CUL4B: variants seen among roughly 807,000 people sequenced by gnomAD.
The protein encoded by CUL4B is cullin 4B, also known as cullin-4B.
In CUL4B, 1 loss-of-function variant was observed where a neutral mutation model predicts 69.2. That is an observed-to-expected ratio of 0.01 (90% CI 0.01 to 0.07). CUL4B has a LOEUF of 0.07. Among genes scored for constraint, CUL4B ranks in the 10% least tolerant of loss-of-function variants. The probability of loss-of-function intolerance (pLI) is 1.00; values close to 1 mark genes in which losing one functional copy is unlikely to be tolerated. For synonymous variants in CUL4B, 237 were observed against 223.2 expected (o/e 1.06, Z -0.55); for missense variants, 328 against 638.8 (o/e 0.51, Z 5.24).
intron 1 of CUL4B, 66 bp from the exon 2 acceptor site, chrX:120,558,105 A>G (rs1015745721): frequency 2.0e-5 from 13 of 637,492 alleles, no homozygotes; most frequent in Non-Finnish European, 3.1e-5. Flanking sequence ...AGATTCATAA[A>G]ATATAATAGC....
At chrX:120,547,391 C>A (rs1281134647) in intron 2 of CUL4B, 152 bp from the exon 3 acceptor site, 5 of 468,132 alleles carry the variant, frequency 1.1e-5, no homozygotes, top group Non-Finnish European at 1.9e-5. Flanking sequence ...CAAAATATAT[C>A]AATGTGGGTG....
intron 9 of CUL4B, among the ~76,000 whole-genome samples, chrX:120,541,956 C>T (rs893002969): frequency 2.7e-5 from 3 of 109,762 alleles, no homozygotes; most frequent in Non-Finnish European, 5.7e-5. Flanking sequence ...AGGCCAGGCA[C>T]GGTGGCTCAC....
downstream of CUL4B, among the ~76,000 whole-genome samples, chrX:120,569,258 T>TATA (rs1454865681): frequency 3.7e-4 from 41 of 111,852 alleles, no homozygotes; most frequent in African/African-American, 1.3e-3. Flanking sequence ...ACTCCCTTAG[T>TATA]ATACAAAGAC....
At chrX:120,529,970 A>T in intron 19 of CUL4B, 132 bp downstream of exon 19, 1 of 688,690 alleles carries the variant, frequency 1.5e-6, no homozygotes, top group Non-Finnish European at 2.2e-6. Context: ...CATATGCATC[A>T]ACATGGGAAA....
At chrX:120,554,099 A>G (rs1602586002) in intron 2 of CUL4B, among the ~76,000 whole-genome samples, 1 of 112,339 alleles carries the variant, frequency 8.9e-6, no homozygotes, top group East Asian at 2.8e-4. Flanking sequence ...CTAAAATAAA[A>G]TGTAATTTTA....
In CUL4B at chrX:120,530,161, T is replaced by C. The variant is rs1923225135; in HGVS notation, c.2533A>G (p.Thr845Ala). The C allele has an allele frequency of 8.3e-7, 1 of 1,207,349 alleles. No homozygotes were observed. Among genetic ancestry groups the C allele is most frequent in the East Asian group, 3.0e-5 (1 of 33,709 alleles). Residue 845 changes from threonine to alanine, a missense_variant, in exon 19 of 20, where the codon ACA becomes GCA. By Grantham distance (58) the Thr-to-Ala change is moderately conservative. Around this residue, in one of 4 missense-constraint regions of CUL4B, gnomAD observed 98 missense variants for 296.8 expected, o/e 0.33. Coordinates refer to ENST00000371322, the MANE Select transcript of CUL4B (RefSeq NM_001079872.2). ...AIVRIMKMRK[T>A]LSHNLLVSEV... is the part of the protein sequence containing the mutation. ...GAAACAAGGAGATTGTGGCTAAGTG[T>C]CTTTCTCATCTTCATAATTCGAACA... is the stretch of plus-strand genomic sequence containing the variant.
chrX:120,554,327 T>C (rs1924848954), intron 2 of CUL4B, among the ~76,000 whole-genome samples: 1 of 111,995 alleles, frequency 8.9e-6, no homozygotes, highest in Non-Finnish European at 1.9e-5. Flanking sequence ...GTGACAGATT[T>C]GTAACCTAAG....
chrX:120,566,323 A>G (rs1925511554), upstream of CUL4B, among the ~76,000 whole-genome samples: 2 of 86,405 alleles, frequency 2.3e-5, no homozygotes, highest in Non-Finnish European at 4.5e-5. Flanking sequence ...AACAGATTTC[A>G]TATGTATGTG....
At chrX:120,531,182 C>A (rs1923289068) in intron 18 of CUL4B, among the ~76,000 whole-genome samples, 1 of 109,241 alleles carries the variant, frequency 9.2e-6, no homozygotes, top group African/African-American at 3.3e-5. Flanking sequence ...ATTAGCCGGG[C>A]ATGGTCGCTC....
chrX:120,549,324 C>T (rs1041384877), intron 2 of CUL4B, among the ~76,000 whole-genome samples: 1 of 111,972 alleles, frequency 8.9e-6, no homozygotes, highest in African/African-American at 3.2e-5. Flanking sequence ...GAGGCCGAGG[C>T]GGGCAGATCA....
At chrX:120,551,612 G>A (rs1252978107) in intron 2 of CUL4B, among the ~76,000 whole-genome samples, 1 of 111,957 alleles carries the variant, frequency 8.9e-6, no homozygotes. Flanking sequence ...TTGACCCAAA[G>A]CCACAGTAGG....
chrX:120,534,867 T>C (rs1259907986), intron 16 of CUL4B, among the ~76,000 whole-genome samples: 1 of 111,871 alleles, frequency 8.9e-6, no homozygotes, highest in Non-Finnish European at 1.9e-5. Context: ...TGTGTCATTC[T>C]AGATATTCAT....
At chrX:120,540,799 G>A (rs1923943195) in intron 10 of CUL4B, among the ~76,000 whole-genome samples, 1 of 111,839 alleles carries the variant, frequency 8.9e-6, no homozygotes, top group African/African-American at 3.2e-5. Context: ...CACTGCACCT[G>A]GCAAAATAAA....
intron 16 of CUL4B, among the ~76,000 whole-genome samples, chrX:120,535,531 C>T (rs375822509): frequency 9.2e-6 from 1 of 108,328 alleles, no homozygotes; most frequent in African/African-American, 3.4e-5. Flanking sequence ...GGTGAAACCC[C>T]GTCTCCACTA....
upstream of CUL4B, among the ~76,000 whole-genome samples, chrX:120,564,977 A>G (rs1014266275): frequency 1.1e-4 from 12 of 112,719 alleles, no homozygotes; most frequent in African/African-American, 3.9e-4. Flanking sequence ...ACCTTTAACC[A>G]AGCTGTTTAT....
At chrX:120,574,516 C>T (rs1310184235) in intron 2 of CUL4B, 22 of 1,141,753 alleles carry the variant, frequency 1.9e-5, no homozygotes, top group Non-Finnish European at 2.5e-5. Flanking sequence ...ATTATTTAGA[C>T]TTAACTCTTG....
upstream of CUL4B, chrX:120,561,340 C>T (rs765609729): frequency 7.1e-6 from 4 of 562,358 alleles, no homozygotes; most frequent in Admixed American, 4.5e-5. Context: ...CTTAACGGTC[C>T]CGCGGGAAGC....
upstream of CUL4B, chrX:120,561,504 G>T (rs1602592002): frequency 4.0e-6 from 1 of 251,696 alleles, no homozygotes. Context: ...GAGGGGGCGG[G>T]CCTTCGAGAC....
In CUL4B at chrX:120,555,158, A is replaced by G. The variant is rs755058372; in HGVS notation, c.672+2766T>C. Among the ~76,000 whole-genome samples, 4 of 112,424 alleles carry G rather than the reference A, an allele frequency of 3.6e-5. No homozygotes were observed. The South Asian group carries it at 1.5e-3, about 41-fold the overall frequency. ...ACTTACGAAGTACAAGAAAACAAAA[A>G]CAAGAGATGCAAGCTCTATGCTCTT... On this transcript the variant is annotated intron_variant, in intron 2 of 19. Coordinates refer to ENST00000371322, the MANE Select transcript of CUL4B (RefSeq NM_001079872.2).
Sources: gnomAD v4.1 joint callset for allele counts (sites outside exome capture counted in the v4.1 genomes callset) on GRCh38, gnomAD v4.1.1 for gene constraint, gnomAD v4.1.1 regional missense constraint, MANE v1.5 for transcripts, NCBI Gene and HGNC (gene_info 2026-07-23, HGNC 2026-07-21) for gene names.